The following KCNIP4 variants were observed in gnomAD, a reference collection of about 807,000 sequenced individuals.
The protein encoded by KCNIP4 is potassium voltage-gated channel interacting protein 4.
A neutral mutation model predicts 34.0 loss-of-function variants in KCNIP4; 12 were observed. The observed-to-expected ratio is 0.35, with a 90% CI of 0.23 to 0.57. The LOEUF (loss-of-function observed/expected upper bound fraction) is 0.57. Among genes scored for constraint, KCNIP4 ranks in the 20% least tolerant of loss-of-function variants. The pLI is 0.83. For missense variants in KCNIP4, 238 were observed against 311.7 expected (o/e 0.76, Z 1.78); for synonymous variants, 124 against 102.2 (o/e 1.21, Z -1.29).
chr4:20,770,859 C>T (rs1487093725), intron 3 of KCNIP4, among the ~76,000 whole-genome samples: 4 of 151,996 alleles, frequency 2.6e-5, no homozygotes, highest in African/African-American at 4.8e-5. Context: ...TGCTTGAGCC[C>T]GGGAGGCAGA....
Position 21,591,306 on chromosome 4 carries a change from C to T in KCNIP4, c.61+357265G>A, listed in dbSNP as rs533695458. 1.7e-3 allele frequency among the ~76,000 whole-genome samples: 257 copies of T among 151,864 alleles called. 1 individual carries two copies. Among genetic ancestry groups the T allele is most frequent in the African/African-American group, 6.1e-3 (252 of 41,460 alleles). The stretch of plus-strand genomic sequence containing the variant: ...CTATTCACAACAATTTTATTTTTAC[C>T]TGTGTAAAGAAAAATTGTGAAATAT... On this transcript the variant is annotated intron_variant, in intron 1 of 8. Transcript: ENST00000382152.
At position 21,519,496 on chromosome 4, in the gene KCNIP4, GTATGTGTATGTGTATATACACATA is replaced by G. The variant is rs1735161486; in HGVS notation, c.61+429051_61+429074del. On this transcript the variant is annotated intron_variant, in intron 1 of 8. Coordinates refer to ENST00000382152, the MANE Select transcript of KCNIP4 (RefSeq NM_025221.6). ...TGTATGTGTATATACACATATGTGTGTATGTGTATGTGTATATACACATATGTGTGTATGTGTATGTGTATATAC... is the reference window on the plus strand; with the variant it reads ...TGTATGTGTATATACACATATGTGTGTGTGTGTATGTGTATGTGTATATAC... 1.6e-5 allele frequency among the ~76,000 whole-genome samples: 2 copies of G among 123,838 alleles called. 1 individual carries two copies. Among genetic ancestry groups the G allele is most frequent in the Non-Finnish European group, 3.4e-5 (2 of 58,206 alleles). 81.2% of individuals were successfully genotyped at this position (123,838 alleles called of 152,430 possible). A position where few individuals can be genotyped will look rare whatever the true frequency, so the allele number is the denominator to read the frequency against.
chr4:21,681,251 C>A (rs1750320919), intron 1 of KCNIP4, among the ~76,000 whole-genome samples: 1 of 151,814 alleles, frequency 6.6e-6, no homozygotes, highest in Non-Finnish European at 1.5e-5. Flanking sequence ...CGTGCGTGCA[C>A]CACCATGCCA....
At chr4:21,345,880 C>A (rs960749568) in intron 1 of KCNIP4, among the ~76,000 whole-genome samples, 1 of 151,188 alleles carries the variant, frequency 6.6e-6, no homozygotes, top group South Asian at 2.1e-4. Flanking sequence ...TAACTCATTG[C>A]TAAAATGGCC....
chr4:20,812,297 A>C (rs1715870918), intron 3 of KCNIP4, among the ~76,000 whole-genome samples: 1 of 152,182 alleles, frequency 6.6e-6, no homozygotes, highest in Non-Finnish European at 1.5e-5. Flanking sequence ...TGGGGCAAAG[A>C]GAAAGAGAGC....
At chr4:21,832,638 G>C (rs1232990649) in intron 1 of KCNIP4, among the ~76,000 whole-genome samples, 2 of 148,630 alleles carry the variant, frequency 1.3e-5, no homozygotes, top group East Asian at 4.0e-4. Flanking sequence ...TGTGCACAAT[G>C]TGCAGGTTAG....
chr4:21,630,049 A>C (rs1745632825), intron 1 of KCNIP4, among the ~76,000 whole-genome samples: 1 of 147,410 alleles, frequency 6.8e-6, no homozygotes, highest in African/African-American at 2.5e-5. Flanking sequence ...CTTTTTGTAG[A>C]GACGAGGTCT....
chr4:21,092,729 A>G (rs1747110587), intron 1 of KCNIP4, among the ~76,000 whole-genome samples: 1 of 152,200 alleles, frequency 6.6e-6, no homozygotes, highest in African/African-American at 2.4e-5. Flanking sequence ...AGCATACTCC[A>G]TGACAGAAAT....
intron 1 of KCNIP4, among the ~76,000 whole-genome samples, chr4:21,044,343 A>C (rs1742245515): frequency 6.6e-6 from 1 of 150,772 alleles, no homozygotes; most frequent in Non-Finnish European, 1.5e-5. Flanking sequence ...ATGGAGTCTC[A>C]CTCTGTCACC....
intron 1 of KCNIP4, among the ~76,000 whole-genome samples, chr4:21,752,401 C>T (rs1176493581): frequency 1.3e-5 from 2 of 151,864 alleles, no homozygotes; most frequent in African/African-American, 4.8e-5. Flanking sequence ...GGGGAAGAGC[C>T]CCTTGTAAAA....
At chr4:20,733,501 TTTAC>T (rs1748853108) in intron 6 of KCNIP4, among the ~76,000 whole-genome samples, 1 of 152,174 alleles carries the variant, frequency 6.6e-6, no homozygotes, top group Non-Finnish European at 1.5e-5. Flanking sequence ...CGAATATATA[TTTAC>T]TTTTAAGAGT....
intron 1 of KCNIP4, chr4:21,850,744 G>T (rs1482531812): frequency 6.6e-6 from 1 of 151,824 alleles, no homozygotes; most frequent in Non-Finnish European, 1.5e-5. Context: ...ACATCAGTTT[G>T]ATCCCGATAA....
intron 1 of KCNIP4, among the ~76,000 whole-genome samples, chr4:21,180,659 A>ATG (rs146213301): frequency 0.021 from 3,098 of 149,654 alleles, 112 homozygotes; most frequent in African/African-American, 0.071. Context: ...TAATGTTTAT[A>ATG]TGTGTGTGTG....
At chr4:21,377,170 C>A (rs1268939045) in intron 1 of KCNIP4, among the ~76,000 whole-genome samples, 3 of 152,158 alleles carry the variant, frequency 2.0e-5, no homozygotes, top group Non-Finnish European at 4.4e-5. Flanking sequence ...TAAATTGCAT[C>A]CATTCTAATT....
At chr4:21,893,945 A>C (rs781124787) in intron 1 of KCNIP4, among the ~76,000 whole-genome samples, 3 of 152,154 alleles carry the variant, frequency 2.0e-5, no homozygotes, top group Non-Finnish European at 2.9e-5. Context: ...CATAACCTTG[A>C]AAATAATCTA....
intron 1 of KCNIP4, among the ~76,000 whole-genome samples, chr4:21,102,488 T>C (rs552989982): frequency 3.1e-4 from 47 of 152,232 alleles, no homozygotes; most frequent in Non-Finnish European, 5.3e-4. Context: ...GCTCGTCCCA[T>C]TGACATAGAA....
intron 1 of KCNIP4, among the ~76,000 whole-genome samples, chr4:21,084,696 C>T (rs1746268554): frequency 6.6e-6 from 1 of 150,792 alleles, no homozygotes; most frequent in Non-Finnish European, 1.5e-5. Flanking sequence ...TGAACTTTTT[C>T]CATCCCCAGT....
intron 1 of KCNIP4, among the ~76,000 whole-genome samples, chr4:20,890,951 A>G (rs974926485): frequency 6.6e-6 from 1 of 152,176 alleles, no homozygotes; most frequent in African/African-American, 2.4e-5. Flanking sequence ...TTTTTGTGTT[A>G]CACAGGAAAT....
Position 21,178,473 on chromosome 4 carries a change from A to T in KCNIP4, c.62-295764T>A, listed in dbSNP as rs1754599621. 8.1e-3 allele frequency among the ~76,000 whole-genome samples: 1,215 copies of T among 149,670 alleles called. 34 individuals carry two copies. Among genetic ancestry groups the T allele is most frequent in the African/African-American group, 0.028 (1,109 of 39,136 alleles). On this transcript the variant is annotated intron_variant, in intron 1 of 8. Transcript: ENST00000382152. ...GGGTTCACATGAAGGTAGTGGATTC[A>T]CAGACCTCAGTTTATTTCCAGGTAT...
Sources: allele counts gnomAD v4.1 joint callset (sites outside exome capture counted in the v4.1 genomes callset), GRCh38; gene constraint gnomAD v4.1.1; transcripts MANE v1.5; gene names NCBI Gene and HGNC (gene_info 2026-07-23, HGNC 2026-07-21).